The following UBE2F variants were observed in gnomAD, a reference collection of about 807,000 sequenced individuals.
UBE2F encodes NEDD8-conjugating enzyme UBE2F.
A neutral mutation model predicts 29.6 loss-of-function variants in UBE2F; 5 were observed. The observed-to-expected ratio is 0.17, with a 90% confidence interval of 0.09 to 0.36. The LOEUF (loss-of-function observed/expected upper bound fraction) is 0.36. UBE2F is among the 10% of genes least tolerant of loss of function. The probability of loss-of-function intolerance (pLI) is 1.00; values close to 1 mark genes in which losing one functional copy is unlikely to be tolerated. For missense variants in UBE2F, 141 were observed against 228.5 expected, an observed-to-expected ratio of 0.62 and a Z score of 2.47; for synonymous variants, 66 against 81.8, an observed-to-expected ratio of 0.81 and a Z score of 1.04.
intron 1 of UBE2F, among the ~76,000 whole-genome samples, chr2:237,971,484 G>A (rs79337474): frequency 1.3e-5 from 2 of 152,090 alleles, no homozygotes; most frequent in African/African-American, 2.4e-5. Context: ...CACCACGCCC[G>A]GCTAATTTTT....
intron 4 of UBE2F, among the ~76,000 whole-genome samples, chr2:238,013,925 G>A (rs1021058846): frequency 1.1e-4 from 17 of 152,202 alleles, no homozygotes; most frequent in Non-Finnish European, 2.4e-4. Context: ...AGCCATGGAC[G>A]ATAGTAACAT....
At chr2:237,976,373 G>A (rs2063282273) in intron 2 of UBE2F, among the ~76,000 whole-genome samples, 1 of 152,214 alleles carries the variant, frequency 6.6e-6, no homozygotes, top group African/African-American at 2.4e-5. Context: ...TCATTGTCAT[G>A]GTTAATAGTA....
chr2:237,994,716 C>T (rs2063657177), intron 3 of UBE2F, 28 bp from the exon 4 acceptor site: 5 of 1,603,932 alleles, frequency 3.1e-6, no homozygotes, highest in Non-Finnish European at 4.3e-6. Flanking sequence ...CACTGCCAGA[C>T]CTTCCTGATG....
At chr2:238,014,294 A>G (rs971060485) in intron 4 of UBE2F, among the ~76,000 whole-genome samples, 2 of 152,246 alleles carry the variant, frequency 1.3e-5, no homozygotes, top group Admixed American at 6.5e-5. Flanking sequence ...AAAGAGGGAA[A>G]AAGAAGTACT....
At chr2:238,039,277 G>T (rs1156985330) in intron 9 of UBE2F, among the ~76,000 whole-genome samples, 2 of 152,158 alleles carry the variant, frequency 1.3e-5, no homozygotes, top group Admixed American at 1.3e-4. Flanking sequence ...AAAAAAATAG[G>T]TGAACAAACA....
intron 2 of UBE2F, among the ~76,000 whole-genome samples, chr2:237,978,707 G>A (rs191316969): frequency 6.6e-6 from 1 of 152,292 alleles, no homozygotes; most frequent in East Asian, 1.9e-4. Flanking sequence ...GTTTTGGGCT[G>A]CTGTCTCTCC....
chr2:238,002,837 G>A (rs998318701), intron 4 of UBE2F, among the ~76,000 whole-genome samples: 8 of 151,416 alleles, frequency 5.3e-5, no homozygotes, highest in Non-Finnish European at 1.0e-4. Context: ...TCCCCATGTT[G>A]GCCAGGCTGG....
chr2:238,015,013 A>T (rs1289823608), intron 4 of UBE2F, among the ~76,000 whole-genome samples: 1 of 152,252 alleles, frequency 6.6e-6, no homozygotes, highest in Non-Finnish European at 1.5e-5. Flanking sequence ...CGTTGGGGTG[A>T]TTAAGCAACC....
rs1338193835 is a variant in UBE2F, at chr2:237,967,186, C to T, written c.-17+54C>T. ...GGGGCGAGGTGCGGCCGCCGGTGCA[C>T]GGGCTGGCCTGCGGGCCGGGCGGAG... is the stretch of plus-strand genomic sequence containing the variant. On this transcript the variant is annotated intron_variant, in intron 1 of 9. Transcript: ENST00000272930. This position sits in a 1 kb window ranked among gnomAD's most constrained non-coding sequence, Gnocchi z 6.3. 2.7e-6 allele frequency: 3 copies of T among 1,101,642 alleles called. No individual in the cohort carries two copies. The highest frequency in any genetic ancestry group is 5.1e-5 in the Admixed American group (1 of 19,466). 68.2% of individuals were successfully genotyped at this position (1,101,642 alleles called of 1,614,324 possible).
chr2:237,967,083 G>C lies in UBE2F; in HGVS notation c.-66G>C. On this transcript the variant is annotated 5_prime_UTR_variant, in exon 1 of 10. Transcript: ENST00000272930. The surrounding 1 kb of genome is among the most constrained non-coding windows in gnomAD (Gnocchi z 6.3). ...GCGTCTCGCAGCAGCCGCCCGGACC[G>C]GGCATGGTGTTGGGCGCCGGGCCCG... 2 of 1,343,708 alleles carry C rather than the reference G, an allele frequency of 1.5e-6. No homozygotes were observed. Among genetic ancestry groups the C allele is most frequent in the Middle Eastern group, 2.8e-4 (1 of 3,560 alleles). 83.2% of individuals were successfully genotyped at this position (1,343,708 alleles called of 1,614,324 possible).
At chr2:238,018,560 GTTATTTATTTAT>G (rs1553558694) in intron 5 of UBE2F, among the ~76,000 whole-genome samples, 1 of 151,974 alleles carries the variant, frequency 6.6e-6, no homozygotes, top group African/African-American at 2.4e-5. Context: ...GGTTCAGTGG[GTTATTTATTTAT>G]TTATTTATTT....
At chr2:238,024,688 G>A (rs746810953) in intron 5 of UBE2F, among the ~76,000 whole-genome samples, 9 of 152,086 alleles carry the variant, frequency 5.9e-5, no homozygotes, top group Non-Finnish European at 1.3e-4. Context: ...GAGCCACCAT[G>A]CCCAAACTAG....
chr2:238,029,728 TG>T (rs1168747852), intron 6 of UBE2F, among the ~76,000 whole-genome samples: 1 of 152,262 alleles, frequency 6.6e-6, no homozygotes, highest in Non-Finnish European at 1.5e-5. Flanking sequence ...ACATTGTTCA[TG>T]AGGCGTGTGC....
chr2:237,976,546 C>T (rs920298046), intron 2 of UBE2F, among the ~76,000 whole-genome samples: 1 of 152,188 alleles, frequency 6.6e-6, no homozygotes, highest in Non-Finnish European at 1.5e-5. Context: ...GGATTGGTAT[C>T]TGGTACAGGT....
Position 237,967,169 on chromosome 2 carries a change from G to A in UBE2F, c.-17+37G>A. 8.6e-7 allele frequency: 1 copy of A among 1,168,036 alleles called. No individual in the cohort carries two copies. The highest frequency in any genetic ancestry group is 3.9e-5 in the East Asian group (1 of 25,534). 72.4% of individuals were successfully genotyped at this position (1,168,036 alleles called of 1,614,324 possible). A position where few individuals can be genotyped will look rare whatever the true frequency, so the allele number is the denominator to read the frequency against. On this transcript the variant is annotated intron_variant, in intron 1 of 9. Transcript: ENST00000272930. This position sits in a 1 kb window ranked among gnomAD's most constrained non-coding sequence, Gnocchi z 6.3. ...CCGTGCGGCTCTGCGGCGGGGCGAG[G>A]TGCGGCCGCCGGTGCACGGGCTGGC...
chr2:238,025,480 ATGT>A, intron 6 of UBE2F, 68 bp downstream of exon 6: 3 of 1,385,636 alleles, frequency 2.2e-6, no homozygotes, highest in Admixed American at 1.9e-5. Flanking sequence ...GCTTTTAAAC[ATGT>A]TGTCTCCTCT....
intron 4 of UBE2F, among the ~76,000 whole-genome samples, chr2:238,001,603 G>GTGGA (rs1303938997): frequency 6.6e-6 from 1 of 152,054 alleles, no homozygotes. Flanking sequence ...GGATCATGAG[G>GTGGA]TCAGGAGATC....
intron 2 of UBE2F, among the ~76,000 whole-genome samples, chr2:237,978,307 C>T (rs1166196001): frequency 2.6e-5 from 4 of 152,306 alleles, no homozygotes; most frequent in Admixed American, 2.0e-4. Context: ...TTGCCTTGCT[C>T]ACCTGTGATG....
rs989795834 is a variant in UBE2F, at chr2:237,987,890, T to C, written c.119-73T>C. 5.2e-6 allele frequency: 4 copies of C among 771,730 alleles called. No homozygotes were observed. In the African/African-American group the frequency reaches 5.8e-5, roughly 11 times the overall value. The allele number at this position is 771,730 out of a possible 1,614,324, so 47.8% of individuals were successfully genotyped here. On this transcript the variant is annotated intron_variant, in intron 2 of 9. Transcript: ENST00000272930. The stretch of plus-strand genomic sequence containing the variant: ...TTTTGATTCAGTGTTCTAGAGGAAA[T>C]TGCCAATTTAGAACTGGTGATTTTA...
Sources: allele counts gnomAD v4.1 joint callset (sites outside exome capture counted in the v4.1 genomes callset), GRCh38; gene constraint gnomAD v4.1.1; non-coding constraint Gnocchi (gnomAD v3.1); transcripts MANE v1.5; gene names NCBI Gene and HGNC (gene_info 2026-07-23, HGNC 2026-07-21).